The following FGF6 variants were observed in gnomAD, a reference collection of about 807,000 sequenced individuals.
FGF6 encodes the protein fibroblast growth factor 6.
In FGF6, 14 loss-of-function variants were observed where a neutral mutation model predicts 18.4. The ratio of observed to expected loss-of-function variants is 0.76; its 90% CI spans 0.50 to 1.19. FGF6 has a LOEUF of 1.19. Among genes scored for constraint, FGF6 ranks in the 50% most tolerant of loss-of-function variants. The probability of loss-of-function intolerance (pLI) is 0.00; values close to 1 mark genes in which losing one functional copy is unlikely to be tolerated. For missense variants in FGF6, 266 were observed against 271.6 expected (o/e 0.98, Z 0.15); for synonymous variants, 125 against 116.7 (o/e 1.07, Z -0.46).
intron 2 of FGF6, among the ~76,000 whole-genome samples, chr12:4,436,149 T>C (rs1865625738): frequency 6.6e-6 from 1 of 152,158 alleles, no homozygotes; most frequent in South Asian, 2.1e-4. Context: ...CCTCTTGCTG[T>C]TCTGAAGGGC....
At chr12:4,440,530 C>G (rs1865678338) in intron 2 of FGF6, among the ~76,000 whole-genome samples, 1 of 152,238 alleles carries the variant, frequency 6.6e-6, no homozygotes, top group African/African-American at 2.4e-5. Context: ...TCTTCTGTAG[C>G]CCCTGACTGC....
intron 2 of FGF6, among the ~76,000 whole-genome samples, chr12:4,438,802 G>A (rs1441713842): frequency 7.0e-6 from 1 of 143,362 alleles, no homozygotes; most frequent in African/African-American, 2.6e-5. Context: ...CTCAATTATG[G>A]TAGATCCACA....
At chr12:4,434,535 C>T (rs1378176159) in intron 2 of FGF6, 144 bp from the exon 3 acceptor site, 31 of 725,030 alleles carry the variant, frequency 4.3e-5, no homozygotes, top group Non-Finnish European at 7.0e-5. Flanking sequence ...TCTGAGCATC[C>T]TGGGTGAACA....
chr12:4,444,584 C>A (rs2970830), intron 1 of FGF6, among the ~76,000 whole-genome samples: 43,385 of 151,882 alleles, frequency 0.29, 6,512 homozygotes, highest in Middle Eastern at 0.35. Flanking sequence ...GATTCTTCTT[C>A]TTCTTCTTAA....
At chr12:4,442,604 C>T (rs180688175) in intron 2 of FGF6, among the ~76,000 whole-genome samples, 3 of 152,310 alleles carry the variant, frequency 2.0e-5, no homozygotes, top group East Asian at 1.9e-4. Flanking sequence ...CCTAAATTCC[C>T]GGCTCTCCCG....
chr12:4,439,574 A>G (rs567927233), intron 2 of FGF6, among the ~76,000 whole-genome samples: 1 of 152,226 alleles, frequency 6.6e-6, no homozygotes, highest in African/African-American at 2.4e-5. Flanking sequence ...TTAAGCATGC[A>G]TGACCATGGA....
chr12:4,435,680 A>G (rs892423897), intron 2 of FGF6, among the ~76,000 whole-genome samples: 1 of 152,190 alleles, frequency 6.6e-6, no homozygotes, highest in African/African-American at 2.4e-5. Flanking sequence ...TTCCATGCTA[A>G]TTTTGTAGAG....
intron 2 of FGF6, among the ~76,000 whole-genome samples, chr12:4,441,093 C>G (rs1467152818): frequency 1.3e-5 from 2 of 152,188 alleles, no homozygotes; most frequent in Non-Finnish European, 1.5e-5. Flanking sequence ...TTGCTGGTAT[C>G]TTTTTACTAG....
At chr12:4,444,844 C>T (rs1865737721) in intron 1 of FGF6, among the ~76,000 whole-genome samples, 1 of 152,122 alleles carries the variant, frequency 6.6e-6, no homozygotes, top group Non-Finnish European at 1.5e-5. Flanking sequence ...CCTTCCTTCT[C>T]CAAGAAAGAA....
intron 2 of FGF6, among the ~76,000 whole-genome samples, chr12:4,442,099 C>T (rs1006647592): frequency 4.6e-5 from 7 of 151,930 alleles, no homozygotes; most frequent in Non-Finnish European, 1.0e-4. Context: ...AGGTGAAGGG[C>T]GCCGGGTCTT....
chr12:4,442,893 T>C (rs751874185), intron 2 of FGF6, among the ~76,000 whole-genome samples: 19 of 152,164 alleles, frequency 1.2e-4, no homozygotes, highest in Non-Finnish European at 2.2e-4. Context: ...TGCCTGTTCC[T>C]CAGAAACACC....
At chr12:4,443,897 A>T (rs1379315398) in intron 2 of FGF6, among the ~76,000 whole-genome samples, 1 of 152,278 alleles carries the variant, frequency 6.6e-6, no homozygotes, top group Admixed American at 6.5e-5. Context: ...GTTTAAGCAC[A>T]CGGGCTCCGG....
Position 4,445,699 on chromosome 12 carries a change from C to T in FGF6, c.-129G>A. ...GCAGATGAAGGCTGCTGACATGAAACCAAAGCCTCCATCGGGCACTCGGGT... is the reference window on the plus strand; with the variant it reads ...GCAGATGAAGGCTGCTGACATGAAATCAAAGCCTCCATCGGGCACTCGGGT... On this transcript the variant is annotated 5_prime_UTR_variant, in exon 1 of 3. Transcript: ENST00000228837. The surrounding 1 kb of genome is among the most constrained non-coding windows in gnomAD (Gnocchi z 5.5). The T allele has an allele frequency of 1.3e-6, 1 of 757,396 alleles. No homozygotes were observed. The allele number at this position is 757,396 out of a possible 1,614,324, so 46.9% of individuals were successfully genotyped here.
chr12:4,444,693 A>G (rs1591693713), intron 1 of FGF6, among the ~76,000 whole-genome samples: 1 of 152,198 alleles, frequency 6.6e-6, no homozygotes, highest in Non-Finnish European at 1.5e-5. Flanking sequence ...TGCAGCCCCC[A>G]TCCTTTCTTG....
intron 2 of FGF6, among the ~76,000 whole-genome samples, chr12:4,436,792 T>C (rs1309452987): frequency 3.9e-5 from 6 of 152,232 alleles, no homozygotes; most frequent in Non-Finnish European, 8.8e-5. Context: ...GCAGCTTATT[T>C]ACAAAGCACT....
intron 2 of FGF6, among the ~76,000 whole-genome samples, chr12:4,436,800 A>T (rs1591690456): frequency 6.6e-6 from 1 of 152,274 alleles, no homozygotes. Context: ...TTTACAAAGC[A>T]CTTTCACTGA....
In FGF6 at chr12:4,445,252, T is replaced by C. The variant is rs1162574593; in HGVS notation, c.319A>G (p.Ser107Gly). ...HLQVLPDGRI[S>G]GTHEENPYSL... The stretch of plus-strand genomic sequence containing the variant: ...TAGGGGTTCTCCTCGTGGGTCCCGC[T>C]GATCCGGCCGTCGGGGAGCACCTGG... The change falls in exon 1 of 3, where the codon AGC becomes GGC. Residue 107 changes from serine (S) to glycine (G), a missense_variant. By Grantham distance (56) the Ser-to-Gly change is moderately conservative. Coordinates refer to ENST00000228837, the MANE Select transcript of FGF6 (RefSeq NM_020996.3). The surrounding 1 kb of genome is among the most constrained non-coding windows in gnomAD (Gnocchi z 5.5). 2 of 1,613,330 alleles carry C rather than the reference T, an allele frequency of 1.2e-6. No homozygotes were observed.
intron 2 of FGF6, among the ~76,000 whole-genome samples, chr12:4,441,230 A>G (rs538192891): frequency 2.6e-5 from 4 of 152,316 alleles, no homozygotes; most frequent in South Asian, 2.1e-4. Flanking sequence ...CCTCATCCTC[A>G]GAGAGCAGAG....
chr12:4,440,437 G>T (rs1464539850), intron 2 of FGF6, among the ~76,000 whole-genome samples: 5 of 152,198 alleles, frequency 3.3e-5, no homozygotes, highest in Non-Finnish European at 5.9e-5. Context: ...GTTCCTCCTG[G>T]CAGTGTGTGT....
Sources: allele counts gnomAD v4.1 joint callset (sites outside exome capture counted in the v4.1 genomes callset), GRCh38; gene constraint gnomAD v4.1.1; non-coding constraint Gnocchi (gnomAD v3.1); transcripts MANE v1.5; gene names NCBI Gene and HGNC (gene_info 2026-07-23, HGNC 2026-07-21).